The following LUC7L3 variants were observed in gnomAD, a reference collection of about 807,000 sequenced individuals.
LUC7L3 encodes LUC7 like 3 pre-mRNA splicing factor, also known as luc7-like protein 3.
LUC7L3 carries 6 observed loss-of-function variants against 66.8 expected under a neutral mutation model. The ratio of observed to expected loss-of-function variants is 0.09; its 90% CI spans 0.05 to 0.18. LUC7L3 has a LOEUF of 0.18. Among genes scored for constraint, LUC7L3 ranks in the 10% least tolerant of loss-of-function variants. LUC7L3 has a pLI of 1.00. For missense variants in LUC7L3, 341 were observed against 531.1 expected, an observed-to-expected ratio of 0.64 and a Z score of 3.52; for synonymous variants, 160 against 174.7, an observed-to-expected ratio of 0.92 and a Z score of 0.66.
chr17:50,746,250 C>T (rs567937282), intron 8 of LUC7L3, among the ~76,000 whole-genome samples: 1 of 152,150 alleles, frequency 6.6e-6, no homozygotes, highest in Non-Finnish European at 1.5e-5. Flanking sequence ...CTGATGGTCT[C>T]TTAAGTGCTT....
intron 1 of LUC7L3, among the ~76,000 whole-genome samples, chr17:50,728,470 A>G (rs867644616): frequency 2.6e-5 from 4 of 152,140 alleles, no homozygotes; most frequent in Middle Eastern, 3.4e-3. Context: ...GTAAAAAAAA[A>G]TATTTATAGA....
intron 1 of LUC7L3, chr17:50,722,818 T>C (rs1178154018): frequency 6.6e-6 from 1 of 152,264 alleles, no homozygotes; most frequent in East Asian, 1.9e-4. Context: ...CTTTGTAGAT[T>C]GCTACCTCTG....
chr17:50,719,675 C>G lies in LUC7L3; in HGVS notation c.-58C>G. 1 of 1,422,396 alleles carries G rather than the reference C, an allele frequency of 7.0e-7. No individual in the cohort carries two copies. Among genetic ancestry groups the G allele is most frequent in the Non-Finnish European group, 9.8e-7 (1 of 1,019,330 alleles). 88.1% of individuals were successfully genotyped at this position (1,422,396 alleles called of 1,614,324 possible). ...CCGAGGAGATTGGCGACGGTGTCGC[C>G]CGTGTTTTCGTTGGCGGGTGCCTGG... On this transcript the variant is annotated 5_prime_UTR_variant, in exon 1 of 10. Coordinates refer to ENST00000505658, the MANE Select transcript of LUC7L3 (RefSeq NM_016424.5).
chr17:50,721,404 G>C (rs914993426), intron 1 of LUC7L3, among the ~76,000 whole-genome samples: 5 of 152,260 alleles, frequency 3.3e-5, no homozygotes, highest in African/African-American at 9.6e-5. Flanking sequence ...ACTCTTCAAT[G>C]ATGAGGCCCT....
intron 4 of LUC7L3, 98 bp downstream of exon 4, chr17:50,741,344 T>C: frequency 3.2e-6 from 4 of 1,237,350 alleles, no homozygotes; most frequent in Non-Finnish European, 4.5e-6. Flanking sequence ...GTTCATTACT[T>C]TGTTCTTTAA....
At position 50,746,048 on chromosome 17, in the gene LUC7L3, G is replaced by C. The variant is rs139591388; in HGVS notation, c.977+45G>C. The stretch of plus-strand genomic sequence containing the variant: ...AGACTGTCCAGCTCATAATGGGTGT[G>C]CAATAACAATAATAACTACTAGTAT... On this transcript the variant is annotated intron_variant, in intron 8 of 9. Transcript: ENST00000505658. The C allele has an allele frequency of 7.4e-4, 1,135 of 1,535,236 alleles. 22 individuals carry two copies. In the East Asian group the frequency reaches 0.021, roughly 28 times the overall value.
At chr17:50,742,502 G>A (rs1232848183) in intron 5 of LUC7L3, among the ~76,000 whole-genome samples, 2 of 152,066 alleles carry the variant, frequency 1.3e-5, no homozygotes, top group Non-Finnish European at 2.9e-5. Context: ...GGGATTACAG[G>A]TGTGCGCCAC....
intron 8 of LUC7L3, 142 bp downstream of exon 8, chr17:50,746,145 CAGTGAATAAAAT>C: frequency 3.8e-6 from 5 of 1,306,824 alleles, no homozygotes; most frequent in Non-Finnish European, 5.0e-6. Context: ...AGAGCGGAAT[CAGTGAATAAAAT>C]AGTTCCATCT....
At chr17:50,736,424 C>T (rs1969988789) in intron 1 of LUC7L3, among the ~76,000 whole-genome samples, 1 of 152,182 alleles carries the variant, frequency 6.6e-6, no homozygotes, top group South Asian at 2.1e-4. Flanking sequence ...AAGTCCCCAT[C>T]TTTCCAAAAT....
At chr17:50,728,656 C>T (rs1014635161) in intron 1 of LUC7L3, among the ~76,000 whole-genome samples, 8 of 152,278 alleles carry the variant, frequency 5.3e-5, no homozygotes, top group African/African-American at 1.7e-4. Flanking sequence ...CAGGTTCAAG[C>T]GATGCTCGTG....
At chr17:50,737,852 T>C (rs1311988875) in intron 2 of LUC7L3, among the ~76,000 whole-genome samples, 1 of 152,076 alleles carries the variant, frequency 6.6e-6, no homozygotes, top group Non-Finnish European at 1.5e-5. Context: ...AACCACAAAA[T>C]AGAAAAAAAT....
At chr17:50,744,631 A>G (rs894920901) in intron 6 of LUC7L3, 21 bp from the exon 7 acceptor site, 9 of 1,599,116 alleles carry the variant, frequency 5.6e-6, no homozygotes, top group Non-Finnish European at 7.7e-6. Flanking sequence ...TGTTCTTAAA[A>G]TAACTGATTT....
rs558904720 is a variant in LUC7L3, at chr17:50,740,686, GT to G, written c.206+342del. On this transcript the variant is annotated intron_variant, in intron 3 of 9. Coordinates refer to ENST00000505658, the MANE Select transcript of LUC7L3 (RefSeq NM_016424.5). ...GGATTCTCCTGCCTCAAACTCCCGA[GT>G]AGTTGGGATTACAGGTGCCCACCAC... is the stretch of plus-strand genomic sequence containing the variant. Among the ~76,000 whole-genome samples the G allele has an allele frequency of 1.3e-3, 205 of 152,268 alleles. 1 individual carries two copies. Among genetic ancestry groups the G allele is most frequent in the Non-Finnish European group, 1.6e-3 (110 of 68,034 alleles).
intron 9 of LUC7L3, among the ~76,000 whole-genome samples, chr17:50,750,215 C>T (rs1015354540): frequency 1.3e-5 from 2 of 152,000 alleles, no homozygotes; most frequent in African/African-American, 4.8e-5. Flanking sequence ...GTTTTTTACC[C>T]ACAATGAAAT....
chr17:50,755,838 T>TA lies in LUC7L3; in HGVS notation c.*5180dup, dbSNP rs933648746. The TA allele has an allele frequency of 3.3e-5, 5 of 152,158 alleles. No individual in the cohort carries two copies. The highest frequency in any genetic ancestry group is 1.2e-4 in the African/African-American group (5 of 41,422). 9.4% of individuals were successfully genotyped at this position (152,158 alleles called of 1,614,324 possible). On this transcript the variant is annotated 3_prime_UTR_variant, in exon 10 of 10. Transcript: ENST00000505658. ...AAGTGTCCACCAACAGTGTGTTGGA[T>TA]AAATACTGTGGTATATTCCAACAGT...
Position 50,730,513 on chromosome 17 carries a change from CAAAAA to C in LUC7L3, c.100-6426_100-6422del, listed in dbSNP as rs3063109. On this transcript the variant is annotated intron_variant, in intron 1 of 9. Coordinates refer to ENST00000505658, the MANE Select transcript of LUC7L3 (RefSeq NM_016424.5). ...CTGGGCGACAGTAAGACTCTGTCTC[CAAAAA>C]AAAAAAAAAAAAAAAAAAAAGACCT... Among the ~76,000 whole-genome samples the C allele has an allele frequency of 3.1e-3, 183 of 59,096 alleles. 2 individuals are homozygous for C. Among genetic ancestry groups the C allele is most frequent in the African/African-American group, 5.4e-3 (72 of 13,250 alleles). The allele number at this position is 59,096 out of a possible 152,430, so 38.8% of individuals were successfully genotyped here.
rs1308986789 is a variant in LUC7L3, at chr17:50,751,256, G to A, written c.*595G>A. 7.3e-7 allele frequency: 1 copy of A among 1,363,558 alleles called. No homozygotes were observed. Among genetic ancestry groups the A allele is most frequent in the Non-Finnish European group, 9.6e-7 (1 of 1,037,854 alleles). The allele number at this position is 1,363,558 out of a possible 1,614,324, so 84.5% of individuals were successfully genotyped here. On this transcript the variant is annotated 3_prime_UTR_variant, in exon 10 of 10. Coordinates refer to ENST00000505658, the MANE Select transcript of LUC7L3 (RefSeq NM_016424.5). Reference sequence around the variant, plus strand: ...TAGCATTGGATTGATGGAAGTGTAGGGTTTATGAATTATTGCAGCTGACTA... The same window carrying A: ...TAGCATTGGATTGATGGAAGTGTAGAGTTTATGAATTATTGCAGCTGACTA...
chr17:50,742,409 A>G (rs375420503), intron 5 of LUC7L3, among the ~76,000 whole-genome samples: 1 of 152,036 alleles, frequency 6.6e-6, no homozygotes, highest in Non-Finnish European at 1.5e-5. Context: ...CCCATGCTGG[A>G]GTGCAGTGGT....
In LUC7L3 at chr17:50,752,255, G is replaced by A. The variant is rs762346862; in HGVS notation, c.*1594G>A. 67 of 1,275,228 alleles carry A rather than the reference G, an allele frequency of 5.3e-5. 1 individual carries two copies. Among genetic ancestry groups the A allele is most frequent in the South Asian group, 6.4e-5 (5 of 78,504 alleles). 79.0% of individuals were successfully genotyped at this position (1,275,228 alleles called of 1,614,324 possible). ...CTGAGAACGGCATAAAGTGAAGATC[G>A]ACATTTAAAAAATGAGGTGAAAGAA... On this transcript the variant is annotated 3_prime_UTR_variant, in exon 10 of 10. Transcript: ENST00000505658.
Sources: allele counts gnomAD v4.1 joint callset (sites outside exome capture counted in the v4.1 genomes callset), GRCh38; gene constraint gnomAD v4.1.1; transcripts MANE v1.5; gene names NCBI Gene and HGNC (gene_info 2026-07-23, HGNC 2026-07-21).